ELP4: variants seen among roughly 807,000 people sequenced by gnomAD.
ELP4 encodes the protein elongator acetyltransferase complex subunit 4, also known as elongator complex protein 4.
In ELP4, 51 loss-of-function variants were observed where a neutral mutation model predicts 48.9. The ratio of observed to expected loss-of-function variants is 1.04; its 90% CI spans 0.83 to 1.32. The LOEUF (loss-of-function observed/expected upper bound fraction) is 1.32. Among genes scored for constraint, ELP4 ranks in the 40% most tolerant of loss-of-function variants. The pLI, the probability that ELP4 is intolerant of heterozygous loss-of-function variation, is 0.00. For missense variants in ELP4, 519 were observed against 514.6 expected (o/e 1.01, Z -0.08); for synonymous variants, 210 against 189.2 (o/e 1.11, Z -0.90).
chr11:31,569,980 T>TA (rs931245069), intron 3 of ELP4, among the ~76,000 whole-genome samples: 1 of 152,160 alleles, frequency 6.6e-6, no homozygotes, highest in African/African-American at 2.4e-5. Flanking sequence ...AGAGTTGAAC[T>TA]AACATCCAAC....
intron 9 of ELP4, among the ~76,000 whole-genome samples, chr11:31,734,832 G>A (rs1947270884): frequency 6.6e-6 from 1 of 152,166 alleles, no homozygotes; most frequent in African/African-American, 2.4e-5. Context: ...GGGAAGCCCA[G>A]TGGTATTTTT....
At chr11:31,681,039 A>G (rs1385946639) in intron 9 of ELP4, among the ~76,000 whole-genome samples, 1 of 152,202 alleles carries the variant, frequency 6.6e-6, no homozygotes, top group Non-Finnish European at 1.5e-5. Flanking sequence ...GAAACTTATA[A>G]ATGTCAGTAT....
chr11:31,747,246 A>T (rs1048145520), intron 9 of ELP4, among the ~76,000 whole-genome samples: 1 of 152,172 alleles, frequency 6.6e-6, no homozygotes, highest in African/African-American at 2.4e-5. Flanking sequence ...CTTTTGGAAA[A>T]AAAGTTAATA....
chr11:31,563,503 G>A (rs1030855165), intron 3 of ELP4, among the ~76,000 whole-genome samples: 6 of 151,986 alleles, frequency 3.9e-5, no homozygotes, highest in Non-Finnish European at 8.8e-5. Flanking sequence ...TTATGGATAA[G>A]GTAAATGTTT....
At chr11:31,692,388 A>G (rs904295659) in intron 9 of ELP4, among the ~76,000 whole-genome samples, 2 of 152,168 alleles carry the variant, frequency 1.3e-5, no homozygotes, top group African/African-American at 2.4e-5. Flanking sequence ...AACATTAAGT[A>G]CTTCTAGTGA....
chr11:31,669,813 G>C (rs6484527), intron 9 of ELP4, among the ~76,000 whole-genome samples: 96,609 of 152,022 alleles, frequency 0.64, 33,147 homozygotes, highest in Non-Finnish European at 0.76. Flanking sequence ...CATGGAGAAG[G>C]GTATTAGTAA....
intron 5 of ELP4, among the ~76,000 whole-genome samples, chr11:31,621,292 A>G (rs1446750693): frequency 6.6e-6 from 1 of 151,934 alleles, no homozygotes; most frequent in Non-Finnish European, 1.5e-5. Context: ...AATTAATCCT[A>G]ATTGGGAGTG....
At chr11:31,749,733 T>C (rs1389356441) in intron 9 of ELP4, among the ~76,000 whole-genome samples, 1 of 152,118 alleles carries the variant, frequency 6.6e-6, no homozygotes, top group Non-Finnish European at 1.5e-5. Context: ...TATAACCACA[T>C]AGATAGTAAT....
chr11:31,556,975 T>G (rs1036930905), intron 3 of ELP4, among the ~76,000 whole-genome samples: 11 of 151,890 alleles, frequency 7.2e-5, no homozygotes, highest in Non-Finnish European at 1.6e-4. Flanking sequence ...AAGCTGAAAC[T>G]TCCCACAATT....
At position 31,763,540 on chromosome 11, in the gene ELP4, C is replaced by T. The variant is rs374687734; in HGVS notation, c.1144-19853C>T. The T allele has an allele frequency of 2.5e-5, 41 of 1,608,820 alleles. No individual in the cohort carries two copies. In the African/African-American group the frequency reaches 4.4e-4, roughly 17 times the overall value. ...GCATTCCACATTTTTAATGAGCTTC[C>T]TTGCAAAGGGTATGGGCTTTCCCTT... On this transcript the variant is annotated intron_variant, in intron 9 of 9. Transcript: ENST00000640961.
rs1948742649 is a variant in ELP4, at chr11:31,787,460, GCCA to G, written c.*3937_*3939del. Reference sequence around the variant, plus strand: ...CTGCCTGACCGTGGTGGAAATTACAGCCAGCGAGAAGGAAGAAGTAAGCCAGCC... The same window carrying G: ...CTGCCTGACCGTGGTGGAAATTACAGGCGAGAAGGAAGAAGTAAGCCAGCC... On this transcript the variant is annotated 3_prime_UTR_variant, in exon 10 of 10. Coordinates refer to ENST00000640961, the MANE Select transcript of ELP4 (RefSeq NM_019040.5). The G allele has an allele frequency of 1.3e-5, 3 of 233,172 alleles. No individual in the cohort carries two copies. The highest frequency in any genetic ancestry group is 2.2e-5 in the African/African-American group (1 of 45,348). The allele number at this position is 233,172 out of a possible 1,614,324, so 14.4% of individuals were successfully genotyped here. A position where few individuals can be genotyped will look rare whatever the true frequency, so the allele number is the denominator to read the frequency against.
chr11:31,656,614 C>G (rs531322667), intron 9 of ELP4, among the ~76,000 whole-genome samples: 1 of 151,786 alleles, frequency 6.6e-6, no homozygotes, highest in South Asian at 2.1e-4. Context: ...CTAAGTTACT[C>G]AGGAAATTTA....
intron 9 of ELP4, among the ~76,000 whole-genome samples, chr11:31,773,795 A>ATG: frequency 6.6e-6 from 1 of 152,312 alleles, no homozygotes; most frequent in Non-Finnish European, 1.5e-5. Flanking sequence ...ATAGCCCCTG[A>ATG]TGTGTAAGAA....
At chr11:31,777,979 G>A (rs1184412440) in intron 9 of ELP4, among the ~76,000 whole-genome samples, 1 of 152,186 alleles carries the variant, frequency 6.6e-6, no homozygotes, top group Non-Finnish European at 1.5e-5. Flanking sequence ...TGCAGTGAGT[G>A]CATCAGAGCT....
intron 2 of ELP4, among the ~76,000 whole-genome samples, chr11:31,530,679 T>C (rs1956381414): frequency 6.6e-6 from 1 of 152,206 alleles, no homozygotes; most frequent in Non-Finnish European, 1.5e-5. Flanking sequence ...AGCCATAATG[T>C]ACAAATGAAA....
chr11:31,737,133 A>T (rs1447881420), intron 9 of ELP4, among the ~76,000 whole-genome samples: 1 of 152,246 alleles, frequency 6.6e-6, no homozygotes, highest in African/African-American at 2.4e-5. Flanking sequence ...AATACTATGC[A>T]GCCATAAAAA....
At chr11:31,545,136 A>G (rs925326448) in intron 3 of ELP4, among the ~76,000 whole-genome samples, 14 of 152,250 alleles carry the variant, frequency 9.2e-5, no homozygotes, top group Non-Finnish European at 1.8e-4. Context: ...AGTTGGACAG[A>G]GAATGACTTT....
At chr11:31,543,815 A>C (rs1404473210) in intron 3 of ELP4, among the ~76,000 whole-genome samples, 2 of 152,234 alleles carry the variant, frequency 1.3e-5, no homozygotes, top group Admixed American at 1.3e-4. Context: ...TTATCAATTC[A>C]GAATTCTATA....
intron 9 of ELP4, among the ~76,000 whole-genome samples, chr11:31,760,549 G>A (rs1407601555): frequency 6.6e-6 from 1 of 152,066 alleles, no homozygotes; most frequent in East Asian, 1.9e-4. Flanking sequence ...ATTAGAAGAC[G>A]ATATTTGTAT....
Sources: gnomAD v4.1 joint callset for allele counts (sites outside exome capture counted in the v4.1 genomes callset) on GRCh38, gnomAD v4.1.1 for gene constraint, MANE v1.5 for transcripts, NCBI Gene and HGNC (gene_info 2026-07-23, HGNC 2026-07-21) for gene names.